NCOA2: variants seen among roughly 807,000 people sequenced by gnomAD.
The protein encoded by NCOA2 is class E basic helix-loop-helix protein 75.
NCOA2 carries 21 observed loss-of-function variants against 145.1 expected under a neutral mutation model. That is an observed-to-expected ratio of 0.14 (90% CI 0.10 to 0.21). The LOEUF (loss-of-function observed/expected upper bound fraction) is 0.21. NCOA2 is among the 10% of genes least tolerant of loss of function. The pLI is 1.00. For missense variants in NCOA2, 1,472 were observed against 1,837.6 expected, an observed-to-expected ratio of 0.80 and a Z score of 3.64; for synonymous variants, 619 against 637.5, an observed-to-expected ratio of 0.97 and a Z score of 0.44.
chr8:70,181,659 ATAAT>A (rs927062174), intron 4 of NCOA2, among the ~76,000 whole-genome samples: 4 of 152,248 alleles, frequency 2.6e-5, no homozygotes, highest in African/African-American at 7.2e-5. Flanking sequence ...TGTAGGTTTT[ATAAT>A]TAATTCCTCT....
intron 2 of NCOA2, among the ~76,000 whole-genome samples, chr8:70,240,001 C>A (rs796381412): frequency 2.0e-5 from 3 of 152,244 alleles, no homozygotes; most frequent in African/African-American, 7.2e-5. Context: ...ATCTCTTGTG[C>A]CCAATCCTTC....
chr8:70,201,863 G>C (rs1817928982), intron 4 of NCOA2, among the ~76,000 whole-genome samples: 1 of 152,106 alleles, frequency 6.6e-6, no homozygotes, highest in Non-Finnish European at 1.5e-5. Context: ...TCAATGCCAT[G>C]GTGGTTTTCT....
chr8:70,380,194 A>G (rs1812063423), intron 1 of NCOA2, among the ~76,000 whole-genome samples: 1 of 152,218 alleles, frequency 6.6e-6, no homozygotes, highest in African/African-American at 2.4e-5. Context: ...AATTATATGT[A>G]CAAGTTCTAA....
chr8:70,333,368 A>T (rs1807278272), intron 1 of NCOA2, among the ~76,000 whole-genome samples: 1 of 152,170 alleles, frequency 6.6e-6, no homozygotes, highest in African/African-American at 2.4e-5. Context: ...GACTCCCAAT[A>T]GCAGCCACTG....
the NCOA2 span, among the ~76,000 whole-genome samples, chr8:70,441,988 GAAAGAAAGGAAAGAAAGAAAT>G: frequency 1.8e-5 from 2 of 108,238 alleles, no homozygotes; most frequent in East Asian, 2.4e-4. Context: ...AGGAAAGAGA[GAAAGAAAGGAAAGAAAGAAAT>G]AAAGGAAAGA....
the NCOA2 span, among the ~76,000 whole-genome samples, chr8:70,411,396 G>T: frequency 6.6e-6 from 1 of 152,104 alleles, no homozygotes; most frequent in Non-Finnish European, 1.5e-5. Flanking sequence ...CAAACTATTA[G>T]AATTAAATTT....
chr8:70,293,038 C>G (rs1422845856), intron 2 of NCOA2, among the ~76,000 whole-genome samples: 1 of 152,054 alleles, frequency 6.6e-6, no homozygotes, highest in Non-Finnish European at 1.5e-5. Context: ...GGCATTTTGT[C>G]AACTTAAATT....
At chr8:70,242,768 T>A (rs1822254318) in intron 2 of NCOA2, among the ~76,000 whole-genome samples, 1 of 152,152 alleles carries the variant, frequency 6.6e-6, no homozygotes, top group Non-Finnish European at 1.5e-5. Flanking sequence ...AAAAAGGTCC[T>A]ATGAACACAT....
intron 2 of NCOA2, among the ~76,000 whole-genome samples, chr8:70,237,658 A>C (rs1159742614): frequency 6.6e-6 from 1 of 152,108 alleles, no homozygotes; most frequent in Non-Finnish European, 1.5e-5. Flanking sequence ...TAGTTCCACA[A>C]ACCAGGGAGG....
intron 1 of NCOA2, among the ~76,000 whole-genome samples, chr8:70,342,496 T>A (rs1808223290): frequency 6.6e-6 from 1 of 152,120 alleles, no homozygotes; most frequent in Non-Finnish European, 1.5e-5. Flanking sequence ...ACTTTTATGT[T>A]AAAATGCTTT....
intron 2 of NCOA2, among the ~76,000 whole-genome samples, chr8:70,260,579 C>T (rs958991438): frequency 6.6e-6 from 1 of 152,178 alleles, no homozygotes; most frequent in Non-Finnish European, 1.5e-5. Context: ...CATACCTAAC[C>T]ATTTGCTTTA....
intron 1 of NCOA2, among the ~76,000 whole-genome samples, chr8:70,313,550 TG>T (rs1041168165): frequency 7.2e-5 from 11 of 152,166 alleles, no homozygotes; most frequent in Admixed American, 3.9e-4. Flanking sequence ...TAAGAAATTG[TG>T]GGCTCTAGTC....
intron 4 of NCOA2, among the ~76,000 whole-genome samples, chr8:70,175,214 A>C (rs1353838529): frequency 2.0e-5 from 3 of 152,250 alleles, no homozygotes; most frequent in African/African-American, 7.2e-5. Flanking sequence ...ACTAGGATAA[A>C]GGAAGGTCTG....
At chr8:70,333,555 A>T (rs1229901492) in intron 1 of NCOA2, among the ~76,000 whole-genome samples, 2 of 152,226 alleles carry the variant, frequency 1.3e-5, no homozygotes, top group Non-Finnish European at 2.9e-5. Context: ...ACACATCAGC[A>T]GCAAAAAATT....
intron 1 of NCOA2, among the ~76,000 whole-genome samples, chr8:70,345,706 T>C (rs1261701901): frequency 6.6e-6 from 1 of 152,196 alleles, no homozygotes; most frequent in Non-Finnish European, 1.5e-5. Flanking sequence ...TGAAAGAGCA[T>C]CTAGTCCAAC....
At chr8:70,119,475 G>A (rs1057244663) in intron 22 of NCOA2, among the ~76,000 whole-genome samples, 2 of 152,096 alleles carry the variant, frequency 1.3e-5, no homozygotes, top group African/African-American at 4.8e-5. Context: ...GGACACACAG[G>A]TTGATTCTGT....
At position 70,283,003 on chromosome 8, in the gene NCOA2, A is replaced by T. The variant is rs889611978; in HGVS notation, c.-20+13741T>A. Among the ~76,000 whole-genome samples, 20 of 152,206 alleles carry T rather than the reference A, an allele frequency of 1.3e-4. 1 individual carries two copies. Among genetic ancestry groups the T allele is most frequent in the Admixed American group, 9.2e-4 (14 of 15,282 alleles). On this transcript the variant is annotated intron_variant, in intron 2 of 22. Coordinates refer to ENST00000452400, the MANE Select transcript of NCOA2 (RefSeq NM_006540.4). ...CATTTTAGTAAACATCCAGAAGGCC[A>T]CCCACAAGCAGGGCTAAACACTGAG...
At position 70,297,347 on chromosome 8, in the gene NCOA2, C is replaced by T. The variant is rs1175114595; in HGVS notation, c.-76-547G>A. Among the ~76,000 whole-genome samples the T allele has an allele frequency of 3.3e-5, 5 of 152,116 alleles. No individual in the cohort carries two copies. In the South Asian group the frequency reaches 1.0e-3, roughly 32 times the overall value. Reference sequence around the variant, plus strand: ...CAAGAATTATCTTTTATTTTCCCCCCTTCAGAGACAAAATTTCGTTCTGCT... The same window carrying T: ...CAAGAATTATCTTTTATTTTCCCCCTTTCAGAGACAAAATTTCGTTCTGCT... On this transcript the variant is annotated intron_variant, in intron 1 of 22. Transcript: ENST00000452400.
chr8:70,141,491 T>C (rs1585808334), intron 13 of NCOA2, 92 bp from the exon 14 acceptor site: 3 of 1,186,800 alleles, frequency 2.5e-6, no homozygotes, highest in Non-Finnish European at 3.7e-6. Flanking sequence ...TACAAAACAA[T>C]CATTCTGTAA....
Sources: gnomAD v4.1 joint callset for allele counts (sites outside exome capture counted in the v4.1 genomes callset) on GRCh38, gnomAD v4.1.1 for gene constraint, MANE v1.5 for transcripts, NCBI Gene and HGNC (gene_info 2026-07-23, HGNC 2026-07-21) for gene names.